The following IRAK3 variants were observed in gnomAD, a reference collection of about 807,000 sequenced individuals.
The protein encoded by IRAK3 is interleukin 1 receptor associated kinase 3.
A neutral mutation model predicts 56.6 loss-of-function variants in IRAK3; 57 were observed. That is an observed-to-expected ratio of 1.01 (90% CI 0.81 to 1.26). The LOEUF (loss-of-function observed/expected upper bound fraction) is 1.26. Among genes scored for constraint, IRAK3 ranks in the 50% most tolerant of loss-of-function variants. The pLI is 0.00. For synonymous variants in IRAK3, 258 were observed against 255.7 expected (o/e 1.01, Z -0.09); for missense variants, 703 against 719.0 (o/e 0.98, Z 0.25).
intron 6 of IRAK3, among the ~76,000 whole-genome samples, chr12:66,221,142 A>G (rs2052729222): frequency 6.6e-6 from 1 of 152,106 alleles, no homozygotes; most frequent in Admixed American, 6.5e-5. Context: ...TGTAAATAGG[A>G]TCATTTCCTT....
intron 6 of IRAK3, among the ~76,000 whole-genome samples, chr12:66,225,107 G>A (rs962736770): frequency 6.6e-6 from 1 of 152,000 alleles, no homozygotes; most frequent in Non-Finnish European, 1.5e-5. Context: ...TCCTCTCTGA[G>A]CAAGAGAGTA....
chr12:66,237,825 A>G (rs565204019), intron 8 of IRAK3, among the ~76,000 whole-genome samples: 7 of 152,328 alleles, frequency 4.6e-5, no homozygotes, highest in Admixed American at 1.3e-4. Context: ...TTTTGGGAGG[A>G]TAAATGTTAT....
rs1378142217 is a variant in IRAK3, at chr12:66,253,307, C to A, written c.*5136C>A. Reference sequence around the variant, plus strand: ...AGATATCTTCGAAAAGAAGATTAGTCGTTGTATGTGTTGCTTATAAATTTT... The same window carrying A: ...AGATATCTTCGAAAAGAAGATTAGTAGTTGTATGTGTTGCTTATAAATTTT... On this transcript the variant is annotated 3_prime_UTR_variant, in exon 12 of 12. Coordinates refer to ENST00000261233, the MANE Select transcript of IRAK3 (RefSeq NM_007199.3). 6.6e-6 allele frequency: 1 copy of A among 152,092 alleles called. No homozygotes were observed. The highest frequency in any genetic ancestry group is 6.5e-5 in the Admixed American group (1 of 15,274). 9.4% of individuals were successfully genotyped at this position (152,092 alleles called of 1,614,324 possible).
intron 5 of IRAK3, among the ~76,000 whole-genome samples, chr12:66,215,929 T>A (rs531423110): frequency 2.0e-5 from 3 of 152,292 alleles, no homozygotes; most frequent in African/African-American, 7.2e-5. Flanking sequence ...ATTACTTTTC[T>A]TAGAGGGACT....
At chr12:66,235,393 G>A (rs1666115770) in intron 8 of IRAK3, among the ~76,000 whole-genome samples, 1 of 150,962 alleles carries the variant, frequency 6.6e-6, no homozygotes, top group South Asian at 2.1e-4. Flanking sequence ...GCCCCGGGCC[G>A]AGGCAGCTTT....
At chr12:66,225,381 G>A (rs532195710) in intron 6 of IRAK3, among the ~76,000 whole-genome samples, 1 of 151,412 alleles carries the variant, frequency 6.6e-6, no homozygotes, top group Non-Finnish European at 1.5e-5. Flanking sequence ...GTGTGTGTGT[G>A]TATGTATACA....
chr12:66,252,789 G>T lies in IRAK3; in HGVS notation c.*4618G>T, dbSNP rs2053113400. 6.6e-6 allele frequency: 1 copy of T among 152,264 alleles called. No homozygotes were observed. The highest frequency in any genetic ancestry group is 2.4e-5 in the African/African-American group (1 of 41,458). The allele number at this position is 152,264 out of a possible 1,614,324, so 9.4% of individuals were successfully genotyped here. ...CTGTTGTGTAACTGATAATCCCATGGTGGACCTCACTTTGCTATTCATATG... is the reference window on the plus strand; with the variant it reads ...CTGTTGTGTAACTGATAATCCCATGTTGGACCTCACTTTGCTATTCATATG... On this transcript the variant is annotated 3_prime_UTR_variant, in exon 12 of 12. Coordinates refer to ENST00000261233, the MANE Select transcript of IRAK3 (RefSeq NM_007199.3).
intron 6 of IRAK3, among the ~76,000 whole-genome samples, chr12:66,221,566 A>G (rs1389891073): frequency 6.6e-6 from 1 of 152,202 alleles, no homozygotes; most frequent in Non-Finnish European, 1.5e-5. Flanking sequence ...AGTTTTTATC[A>G]TGAAAGGATG....
intron 2 of IRAK3, among the ~76,000 whole-genome samples, chr12:66,204,339 A>G (rs1269663991): frequency 2.6e-5 from 4 of 152,102 alleles, no homozygotes; most frequent in African/African-American, 9.7e-5. Flanking sequence ...AATATTTTAT[A>G]TTGTACCTAC....
intron 1 of IRAK3, chr12:66,197,906 C>T: frequency 1.0e-6 from 1 of 981,056 alleles, no homozygotes; most frequent in Non-Finnish European, 1.2e-6. Context: ...AAGGGAAATT[C>T]AGGAATCAAA....
chr12:66,210,047 T>G (rs2052596363), intron 3 of IRAK3, 100 bp from the exon 4 acceptor site: 1 of 767,582 alleles, frequency 1.3e-6, no homozygotes, highest in East Asian at 2.5e-5. Context: ...TGCACTCTGT[T>G]GCACTGCATA....
chr12:66,194,956 G>C (rs571375848), intron 1 of IRAK3, among the ~76,000 whole-genome samples: 2 of 151,856 alleles, frequency 1.3e-5, no homozygotes. Flanking sequence ...CTAAATTCAC[G>C]TAAATTCAAT....
intron 8 of IRAK3, among the ~76,000 whole-genome samples, chr12:66,244,063 G>C (rs567008110): frequency 6.6e-6 from 1 of 152,186 alleles, no homozygotes. Context: ...GTGGCTCTGC[G>C]CTCATAAGCT....
At chr12:66,202,846 CAA>C (rs2052522652) in intron 1 of IRAK3, among the ~76,000 whole-genome samples, 1 of 150,400 alleles carries the variant, frequency 6.6e-6, no homozygotes, top group Non-Finnish European at 1.5e-5. Flanking sequence ...AAAAAGAACA[CAA>C]GAGCCAACCA....
intron 8 of IRAK3, among the ~76,000 whole-genome samples, chr12:66,232,445 G>C (rs1217784092): frequency 6.6e-6 from 1 of 152,188 alleles, no homozygotes; most frequent in East Asian, 1.9e-4. Context: ...AACTATAACA[G>C]TAGATTTCCC....
chr12:66,248,158 A>G lies in IRAK3; in HGVS notation c.1778A>G (p.Tyr593Cys), dbSNP rs765742705. ...SKFSWDEYEQYKKE is the reference protein window; with the variant it reads ...SKFSWDEYEQCKKE ...TTTTCCTGGGATGAATATGAACAGT[A>G]CAAAAAAGAATAAATTCTACCAGAA... Residue 593 changes from tyrosine to cysteine, a missense_variant, in exon 12 of 12, where the codon TAC becomes TGC. By Grantham distance (194) the Tyr-to-Cys change is radical. Transcript: ENST00000261233. 4 of 1,612,114 alleles carry G rather than the reference A, an allele frequency of 2.5e-6. No individual in the cohort carries two copies. The highest frequency in any genetic ancestry group is 2.2e-5 in the East Asian group (1 of 44,884).
At chr12:66,234,823 T>C in intron 8 of IRAK3, 2 of 1,603,270 alleles carry the variant, frequency 1.2e-6, no homozygotes, top group Middle Eastern at 1.7e-4. Context: ...GCATATTTTC[T>C]AGTTCTTGCT....
chr12:66,244,027 A>G (rs1255346802), intron 8 of IRAK3, among the ~76,000 whole-genome samples: 1 of 152,248 alleles, frequency 6.6e-6, no homozygotes, highest in Admixed American at 6.5e-5. Context: ...GGGACTACCA[A>G]AGAGTCCTCA....
At chr12:66,213,751 A>T (rs913128138) in intron 5 of IRAK3, among the ~76,000 whole-genome samples, 1 of 151,368 alleles carries the variant, frequency 6.6e-6, no homozygotes, top group African/African-American at 2.4e-5. Flanking sequence ...GTAAATCTAA[A>T]TCTGCTCTAA....
Sources: gnomAD v4.1 joint callset for allele counts (sites outside exome capture counted in the v4.1 genomes callset) on GRCh38, gnomAD v4.1.1 for gene constraint, MANE v1.5 for transcripts, NCBI Gene and HGNC (gene_info 2026-07-23, HGNC 2026-07-21) for gene names.